Variants in CCDC192 observed in about 807,000 individuals in gnomAD.
CCDC192 encodes coiled-coil domain-containing protein 192.
intron 6 of CCDC192, among the ~76,000 whole-genome samples, chr5:127,918,071 G>A (rs1238512763): frequency 6.6e-6 from 1 of 152,006 alleles, no homozygotes; most frequent in African/African-American, 2.4e-5. Context: ...GGAGGTCTAG[G>A]CTGCCATGAG....
chr5:127,801,842 A>T (rs1757522853), intron 5 of CCDC192, among the ~76,000 whole-genome samples: 1 of 152,214 alleles, frequency 6.6e-6, no homozygotes, highest in Admixed American at 6.5e-5. Context: ...AGAAAGCTCC[A>T]TCCAGCAGCA....
At chr5:127,919,221 T>A (rs943701065) in intron 6 of CCDC192, among the ~76,000 whole-genome samples, 1 of 151,934 alleles carries the variant, frequency 6.6e-6, no homozygotes, top group Admixed American at 6.6e-5. Flanking sequence ...ACTGCCAGAG[T>A]CAGGTGCTTT....
intron 3 of CCDC192, among the ~76,000 whole-genome samples, chr5:127,773,199 C>G (rs893500939): frequency 3.9e-5 from 6 of 152,090 alleles, no homozygotes; most frequent in African/African-American, 1.4e-4. Context: ...GATGTTTTTT[C>G]TGGTAACATT....
chr5:127,735,694 T>C lies in CCDC192; in HGVS notation c.115-18574T>C, dbSNP rs1441521974. ...TATTTTATTCTCTTTGAAGCAATTT[T>C]GAATGGGAGTTCACTCATGATTTGG... On this transcript the variant is annotated intron_variant, in intron 2 of 6. Coordinates refer to ENST00000514853, the MANE Select transcript of CCDC192 (RefSeq NM_001317938.2). Among the ~76,000 whole-genome samples, 4 of 131,638 alleles carry C rather than the reference T, an allele frequency of 3.0e-5. No individual in the cohort carries two copies. In the Admixed American group the frequency reaches 3.2e-4, roughly 10 times the overall value. The allele number at this position is 131,638 out of a possible 152,430, so 86.4% of individuals were successfully genotyped here.
At chr5:127,835,836 C>T (rs1750010442) in intron 5 of CCDC192, among the ~76,000 whole-genome samples, 1 of 152,100 alleles carries the variant, frequency 6.6e-6, no homozygotes, top group South Asian at 2.1e-4. Context: ...TTCCTCAACA[C>T]CTGGGGATTA....
chr5:127,929,278 T>C (rs942102479), intron 6 of CCDC192, among the ~76,000 whole-genome samples: 1 of 152,226 alleles, frequency 6.6e-6, no homozygotes, highest in African/African-American at 2.4e-5. Flanking sequence ...TGCACACATT[T>C]TTAAGCTCTG....
At chr5:127,869,495 C>A (rs1384032181) in intron 5 of CCDC192, among the ~76,000 whole-genome samples, 14 of 152,150 alleles carry the variant, frequency 9.2e-5, no homozygotes, top group Admixed American at 9.2e-4. Context: ...GCAAAACATT[C>A]CAATTTTTGG....
intron 4 of CCDC192, among the ~76,000 whole-genome samples, chr5:127,797,771 ATATATATTTATT>A (rs1433243076): frequency 2.2e-4 from 6 of 27,490 alleles, no homozygotes; most frequent in Non-Finnish European, 6.0e-4. Flanking sequence ...ATATATATAT[ATATATATTTATT>A]TATTTATTTA....
chr5:127,898,885 A>G (rs1752966535), intron 6 of CCDC192, among the ~76,000 whole-genome samples: 1 of 152,188 alleles, frequency 6.6e-6, no homozygotes. Flanking sequence ...TCTAAGGTAC[A>G]CAAGTCATAT....
chr5:127,764,419 A>G (rs1474166823), intron 3 of CCDC192, among the ~76,000 whole-genome samples: 1 of 152,246 alleles, frequency 6.6e-6, no homozygotes, highest in Non-Finnish European at 1.5e-5. Flanking sequence ...GACAGATCCC[A>G]AGTTTCAGGT....
chr5:127,844,655 C>T (rs1023691854), intron 5 of CCDC192, among the ~76,000 whole-genome samples: 34 of 152,146 alleles, frequency 2.2e-4, no homozygotes, highest in Admixed American at 1.8e-3. Context: ...GGCTGTGTGG[C>T]GGATGAGTGA....
intron 3 of CCDC192, among the ~76,000 whole-genome samples, chr5:127,791,338 G>T (rs1282664727): frequency 1.3e-5 from 2 of 152,162 alleles, no homozygotes; most frequent in African/African-American, 2.4e-5. Flanking sequence ...CCATATTGTT[G>T]CAGTCAAGAA....
At chr5:127,831,319 T>C (rs1749784904) in intron 5 of CCDC192, among the ~76,000 whole-genome samples, 1 of 150,994 alleles carries the variant, frequency 6.6e-6, no homozygotes, top group African/African-American at 2.5e-5. Flanking sequence ...GAAGAATAAA[T>C]TGTGCTTTAA....
At chr5:127,901,270 G>A (rs907936285) in intron 6 of CCDC192, among the ~76,000 whole-genome samples, 1 of 151,992 alleles carries the variant, frequency 6.6e-6, no homozygotes, top group Non-Finnish European at 1.5e-5. Context: ...ACATTGCTAG[G>A]TAATATCTTA....
intron 2 of CCDC192, among the ~76,000 whole-genome samples, chr5:127,747,603 G>C (rs1396361128): frequency 6.6e-6 from 1 of 151,894 alleles, no homozygotes; most frequent in Non-Finnish European, 1.5e-5. Flanking sequence ...ATGATTTATA[G>C]TCCTTTGGGT....
intron 6 of CCDC192, among the ~76,000 whole-genome samples, chr5:127,882,576 C>T (rs1417777360): frequency 6.6e-6 from 1 of 152,162 alleles, no homozygotes; most frequent in Non-Finnish European, 1.5e-5. Flanking sequence ...GAACTGTACA[C>T]TTTAAAACGG....
At chr5:127,922,247 T>A (rs1268583871) in intron 6 of CCDC192, among the ~76,000 whole-genome samples, 1 of 152,234 alleles carries the variant, frequency 6.6e-6, no homozygotes, top group African/African-American at 2.4e-5. Flanking sequence ...TTGCTTCATT[T>A]TAAGCTATCT....
At chr5:127,915,662 T>C (rs1459782545) in intron 6 of CCDC192, among the ~76,000 whole-genome samples, 2 of 152,228 alleles carry the variant, frequency 1.3e-5, no homozygotes, top group Non-Finnish European at 1.5e-5. Context: ...ATTATAGGCG[T>C]GAGCCACTGC....
chr5:127,706,781 T>C (rs1750991300), intron 1 of CCDC192, among the ~76,000 whole-genome samples: 1 of 152,116 alleles, frequency 6.6e-6, no homozygotes, highest in African/African-American at 2.4e-5. Flanking sequence ...TATAGTATGT[T>C]AGAATGTGAT....
Sources: gnomAD v4.1 joint callset for allele counts (sites outside exome capture counted in the v4.1 genomes callset) on GRCh38, gnomAD v4.1.1 for gene constraint, MANE v1.5 for transcripts, NCBI Gene and HGNC (gene_info 2026-07-23, HGNC 2026-07-21) for gene names.